The following SEMA3C variants were observed in gnomAD, a reference collection of about 807,000 sequenced individuals.
SEMA3C encodes semaphorin 3C.
Under a neutral mutation model 89.4 loss-of-function variants are expected in SEMA3C, and 47 were observed. The observed-to-expected ratio is 0.53, with a 90% CI of 0.42 to 0.67. The LOEUF (loss-of-function observed/expected upper bound fraction) is 0.67, where lower values mean the gene tolerates loss of function less well. SEMA3C is among the 30% of genes least tolerant of loss of function. The pLI is 0.00. For synonymous variants in SEMA3C, 310 were observed against 320.2 expected (o/e 0.97, Z 0.34); for missense variants, 839 against 929.1 (o/e 0.90, Z 1.26).
chr7:80,882,468 ATTAT>A (rs1791368887), intron 2 of SEMA3C, among the ~76,000 whole-genome samples: 2 of 47,056 alleles, frequency 4.3e-5, no homozygotes, highest in Non-Finnish European at 4.2e-5. Context: ...TATGCCTCGT[ATTAT>A]TTATTTATTT....
intron 2 of SEMA3C, among the ~76,000 whole-genome samples, chr7:80,853,892 ATGTGTGTGTG>A (rs113692755): frequency 6.7e-6 from 1 of 148,862 alleles, no homozygotes; most frequent in Non-Finnish European, 1.5e-5. Flanking sequence ...CCCCATATAT[ATGTGTGTGTG>A]TGTGTGTGTG....
intron 2 of SEMA3C, among the ~76,000 whole-genome samples, chr7:80,854,329 A>AAAAG (rs1354424883): frequency 4.6e-5 from 7 of 152,298 alleles, no homozygotes; most frequent in African/African-American, 1.7e-4. Context: ...AAGGTACAGG[A>AAAAG]AAAGGGGAGG....
At chr7:80,788,848 C>T (rs998632329) in intron 12 of SEMA3C, among the ~76,000 whole-genome samples, 1 of 152,120 alleles carries the variant, frequency 6.6e-6, no homozygotes, top group Non-Finnish European at 1.5e-5. Flanking sequence ...ACACTTACCT[C>T]CATGGCTTAT....
At chr7:80,898,323 G>A (rs1174183007) in intron 2 of SEMA3C, among the ~76,000 whole-genome samples, 6 of 152,244 alleles carry the variant, frequency 3.9e-5, no homozygotes, top group East Asian at 3.9e-4. Context: ...CCGAGATCGC[G>A]CCACTGCACT....
At chr7:80,851,543 T>G (rs1790513920) in intron 2 of SEMA3C, among the ~76,000 whole-genome samples, 1 of 147,796 alleles carries the variant, frequency 6.8e-6, no homozygotes, top group African/African-American at 2.5e-5. Context: ...ACATTCATAG[T>G]TTCTAAAGAT....
chr7:80,869,257 AT>A (rs1791000797), intron 2 of SEMA3C, among the ~76,000 whole-genome samples: 2 of 152,324 alleles, frequency 1.3e-5, no homozygotes, highest in South Asian at 4.1e-4. Context: ...ATTAGCTGTA[AT>A]TAGCTAGCAA....
chr7:80,805,014 T>C (rs1305929716), intron 7 of SEMA3C, among the ~76,000 whole-genome samples: 3 of 152,118 alleles, frequency 2.0e-5, no homozygotes, highest in African/African-American at 7.2e-5. Flanking sequence ...AGCAATTGAT[T>C]GGAATAATAC....
At chr7:80,802,972 C>T (rs1789245264) in intron 8 of SEMA3C, among the ~76,000 whole-genome samples, 193 bp from the exon 9 acceptor site, 1 of 152,058 alleles carries the variant, frequency 6.6e-6, no homozygotes, top group Admixed American at 6.6e-5. Context: ...TACTATTATT[C>T]TCTTATAGCA....
chr7:80,880,064 C>T (rs1791297082), intron 2 of SEMA3C, among the ~76,000 whole-genome samples: 4 of 152,304 alleles, frequency 2.6e-5, no homozygotes, highest in Middle Eastern at 3.4e-3. Context: ...CTCCATCACA[C>T]CTTTGGGCCT....
chr7:80,887,358 A>C (rs986636503), intron 2 of SEMA3C, among the ~76,000 whole-genome samples: 4 of 150,242 alleles, frequency 2.7e-5, no homozygotes, highest in Admixed American at 2.6e-4. Flanking sequence ...ACTTTATGTG[A>C]GTTTCTCTGT....
intron 5 of SEMA3C, among the ~76,000 whole-genome samples, chr7:80,817,771 C>A (rs917461401): frequency 9.9e-5 from 15 of 152,078 alleles, no homozygotes; most frequent in African/African-American, 3.6e-4. Context: ...ACATCAAGTT[C>A]TTTTCAGCAG....
chr7:80,816,855 G>C (rs1450684652), intron 5 of SEMA3C, among the ~76,000 whole-genome samples: 1 of 152,070 alleles, frequency 6.6e-6, no homozygotes, highest in Admixed American at 6.5e-5. Flanking sequence ...TTATTTTTTT[G>C]GACAGAATTT....
chr7:80,915,529 G>A (rs978090676), intron 2 of SEMA3C, among the ~76,000 whole-genome samples: 58 of 152,114 alleles, frequency 3.8e-4, no homozygotes, highest in African/African-American at 1.4e-3. Flanking sequence ...AGATCACAAG[G>A]TCAGGAGATC....
upstream of SEMA3C, chr7:80,919,455 A>C: frequency 1.1e-6 from 1 of 872,164 alleles, no homozygotes; most frequent in South Asian, 5.3e-5. Context: ...CAAAGTGCAA[A>C]GCAGTTGTGG....
chr7:80,821,277 C>T (rs1199751718), intron 4 of SEMA3C, among the ~76,000 whole-genome samples: 1 of 152,086 alleles, frequency 6.6e-6, no homozygotes, highest in Non-Finnish European at 1.5e-5. Flanking sequence ...GAAAAATAAA[C>T]TTGAGTTTTT....
intron 6 of SEMA3C, among the ~76,000 whole-genome samples, chr7:80,806,741 C>T (rs2115694120): frequency 6.6e-6 from 1 of 152,036 alleles, no homozygotes; most frequent in East Asian, 1.9e-4. Flanking sequence ...AATTTATCAG[C>T]CTGGCCCACT....
chr7:80,878,127 C>T (rs144072982), intron 2 of SEMA3C, among the ~76,000 whole-genome samples: 1,599 of 152,264 alleles, frequency 0.011, 25 homozygotes, highest in African/African-American at 0.036. Flanking sequence ...CCTGTAATCC[C>T]AGCACTTTGG....
intron 2 of SEMA3C, among the ~76,000 whole-genome samples, chr7:80,838,968 T>G (rs1790202149): frequency 6.6e-6 from 1 of 151,966 alleles, no homozygotes; most frequent in Non-Finnish European, 1.5e-5. Context: ...GTAATTCAAT[T>G]AAATAGAGAA....
At chr7:80,880,457 AT>A (rs1388220574) in intron 2 of SEMA3C, among the ~76,000 whole-genome samples, 3 of 152,222 alleles carry the variant, frequency 2.0e-5, no homozygotes, top group Non-Finnish European at 4.4e-5. Context: ...GAATGAATGA[AT>A]TTGATGCTGT....
Sources: gnomAD v4.1 joint callset for allele counts (sites outside exome capture counted in the v4.1 genomes callset) on GRCh38, gnomAD v4.1.1 for gene constraint, MANE v1.5 for transcripts, NCBI Gene and HGNC (gene_info 2026-07-23, HGNC 2026-07-21) for gene names.